The following ESR1 variants were observed in gnomAD, a reference collection of about 807,000 sequenced individuals.
ESR1 encodes the protein estrogen receptor.
ESR1 carries 12 observed loss-of-function variants against 52.7 expected under a neutral mutation model. The observed-to-expected ratio is 0.23, with a 90% CI of 0.15 to 0.37. ESR1 has a LOEUF of 0.37. ESR1 is among the 10% of genes least tolerant of loss of function. The pLI, the probability that ESR1 is intolerant of heterozygous loss-of-function variation, is 1.00. For synonymous variants in ESR1, 305 were observed against 316.8 expected (o/e 0.96, Z 0.39); for missense variants, 584 against 779.7 (o/e 0.75, Z 2.99).
At chr6:151,856,225 A>G (rs995293712) in intron 2 of ESR1, among the ~76,000 whole-genome samples, 1 of 152,200 alleles carries the variant, frequency 6.6e-6, no homozygotes, top group Non-Finnish European at 1.5e-5. Context: ...TAATGTAGGT[A>G]TAGATAATGT....
intron 1 of ESR1, among the ~76,000 whole-genome samples, chr6:151,827,050 A>G (rs1490763999): frequency 6.6e-6 from 1 of 152,042 alleles, no homozygotes; most frequent in African/African-American, 2.4e-5. Context: ...GGTGCCGGGC[A>G]TGGTGACTCA....
At chr6:151,977,242 G>A (rs1380845703) in intron 4 of ESR1, among the ~76,000 whole-genome samples, 8 of 151,998 alleles carry the variant, frequency 5.3e-5, no homozygotes, top group African/African-American at 1.9e-4. Context: ...ACAGAAATCC[G>A]AGGTTCCAAA....
At chr6:151,846,920 T>C (rs996430404) in intron 2 of ESR1, among the ~76,000 whole-genome samples, 5 of 152,194 alleles carry the variant, frequency 3.3e-5, no homozygotes, top group Non-Finnish European at 5.9e-5. Context: ...CTTTGAGTAT[T>C]ACTTCAAGGA....
intron 2 of ESR1, among the ~76,000 whole-genome samples, chr6:151,776,903 G>A (rs1335805718): frequency 2.0e-5 from 3 of 151,778 alleles, no homozygotes; most frequent in Non-Finnish European, 4.4e-5. Context: ...GGCTGGAGAA[G>A]GCATTTTTTT....
chr6:152,124,249 T>C (rs1585375752), intron 6 of ESR1, among the ~76,000 whole-genome samples: 1 of 152,104 alleles, frequency 6.6e-6, no homozygotes, highest in South Asian at 2.1e-4. Context: ...GAGGCTGCAG[T>C]GAGCCATGAT....
intron 2 of ESR1, among the ~76,000 whole-genome samples, chr6:151,725,939 C>T (rs907949397): frequency 3.3e-5 from 5 of 152,156 alleles, no homozygotes; most frequent in Middle Eastern, 3.4e-3. Flanking sequence ...CTGAGTTGCA[C>T]AGGAAGAACT....
chr6:151,974,770 G>A (rs993385027), intron 4 of ESR1, among the ~76,000 whole-genome samples: 14 of 152,114 alleles, frequency 9.2e-5, no homozygotes, highest in Non-Finnish European at 2.1e-4. Context: ...TTTAAGACAA[G>A]CAATGAAATT....
intron 3 of ESR1, among the ~76,000 whole-genome samples, chr6:151,939,571 T>C (rs1460807012): frequency 6.6e-6 from 1 of 152,142 alleles, no homozygotes; most frequent in African/African-American, 2.4e-5. Context: ...TAGGGTAAAA[T>C]TGAAATAGAA....
At chr6:152,076,553 A>G (rs2048749886) in intron 6 of ESR1, among the ~76,000 whole-genome samples, 1 of 152,166 alleles carries the variant, frequency 6.6e-6, no homozygotes, top group South Asian at 2.1e-4. Flanking sequence ...AGCAGTTTGG[A>G]GGGCTCAAAA....
At chr6:151,976,672 G>T (rs1349045351) in intron 4 of ESR1, among the ~76,000 whole-genome samples, 4 of 152,044 alleles carry the variant, frequency 2.6e-5, no homozygotes, top group East Asian at 1.9e-4. Context: ...ACAGAACATA[G>T]AATTAATAAG....
chr6:151,982,486 A>ATT (rs202228512), intron 4 of ESR1, among the ~76,000 whole-genome samples: 4 of 151,820 alleles, frequency 2.6e-5, no homozygotes, highest in South Asian at 2.1e-4. Flanking sequence ...GGCAAAGTTA[A>ATT]TATTTTTTTT....
chr6:151,797,864 T>C (rs573465718), intron 2 of ESR1, among the ~76,000 whole-genome samples: 5 of 152,244 alleles, frequency 3.3e-5, no homozygotes, highest in Non-Finnish European at 4.4e-5. Flanking sequence ...TTTTGTATTT[T>C]ATCAGTTCTC....
intron 7 of ESR1, among the ~76,000 whole-genome samples, chr6:152,097,540 C>T (rs1585245640): frequency 6.6e-6 from 1 of 152,062 alleles, no homozygotes; most frequent in Non-Finnish European, 1.5e-5. Context: ...TTTTCTAAGA[C>T]CTTCTCTTGG....
At chr6:151,876,885 A>G (rs1421568739) in intron 2 of ESR1, among the ~76,000 whole-genome samples, 1 of 151,762 alleles carries the variant, frequency 6.6e-6, no homozygotes, top group Admixed American at 6.6e-5. Context: ...CTTTGGCCCT[A>G]TGGGCTTGGT....
chr6:151,905,567 T>G (rs1797309351), intron 3 of ESR1, among the ~76,000 whole-genome samples: 1 of 152,114 alleles, frequency 6.6e-6, no homozygotes, highest in Non-Finnish European at 1.5e-5. Context: ...AAAGGAAATA[T>G]TCCTCTAACT....
At chr6:151,657,704 C>T (rs1777503347) in intron 1 of ESR1, among the ~76,000 whole-genome samples, 1 of 152,122 alleles carries the variant, frequency 6.6e-6, no homozygotes, top group Non-Finnish European at 1.5e-5. Flanking sequence ...AAGGAATTAG[C>T]GTGAGTCCAG....
At chr6:151,806,530 G>GTA (rs56020486), upstream of ESR1, among the ~76,000 whole-genome samples, 12,248 of 96,286 alleles carry the variant, frequency 0.13, 1,084 homozygotes, top group South Asian at 0.18. Flanking sequence ...TCCTTAATAT[G>GTA]TATATATATA....
chr6:151,863,909 T>C (rs1349183574), intron 2 of ESR1, among the ~76,000 whole-genome samples: 2 of 152,112 alleles, frequency 1.3e-5, no homozygotes, highest in Non-Finnish European at 2.9e-5. Context: ...CAAAAATTAA[T>C]TCAAGATGGA....
rs572241256 is a variant in ESR1 at position 152,016,550 on chromosome 6, C to T, written c.1235+4756C>T. On this transcript the variant is annotated intron_variant, in intron 5 of 7. Coordinates refer to ENST00000206249, the MANE Select transcript of ESR1 (RefSeq NM_000125.4). The stretch of plus-strand genomic sequence containing the variant: ...AACAGTGAAACATTGTGACCAACAG[C>T]CCATCTGAGATTTTATACTTGTAGA... 9.7e-4 allele frequency among the ~76,000 whole-genome samples: 147 copies of T among 152,164 alleles called. 1 individual carries two copies. Among genetic ancestry groups the T allele is most frequent in the African/African-American group, 3.4e-3 (139 of 41,492 alleles).
Sources: allele counts gnomAD v4.1 joint callset (sites outside exome capture counted in the v4.1 genomes callset), GRCh38; gene constraint gnomAD v4.1.1; transcripts MANE v1.5; gene names NCBI Gene and HGNC (gene_info 2026-07-23, HGNC 2026-07-21).